KCNIP4: variants seen among roughly 807,000 people sequenced by gnomAD.
The protein encoded by KCNIP4 is potassium voltage-gated channel interacting protein 4.
In KCNIP4, 12 loss-of-function variants were observed where a neutral mutation model predicts 34.0. The ratio of observed to expected loss-of-function variants is 0.35; its 90% confidence interval spans 0.23 to 0.57. The LOEUF is 0.57. Among genes scored for constraint, KCNIP4 ranks in the 20% least tolerant of loss-of-function variants. The probability of loss-of-function intolerance (pLI) is 0.83; values close to 1 mark genes in which losing one functional copy is unlikely to be tolerated. For missense variants in KCNIP4, 238 were observed against 311.7 expected (o/e 0.76, Z 1.78); for synonymous variants, 124 against 102.2 (o/e 1.21, Z -1.29).
chr4:21,156,115 A>C (rs145666535), intron 1 of KCNIP4, among the ~76,000 whole-genome samples: 5 of 152,322 alleles, frequency 3.3e-5, no homozygotes, highest in African/African-American at 1.2e-4. Flanking sequence ...CACAATTTTT[A>C]AGAGCATGGT....
Position 21,277,889 on chromosome 4 carries a change from T to C in KCNIP4, c.62-395180A>G, listed in dbSNP as rs1478053372. Among the ~76,000 whole-genome samples the C allele has an allele frequency of 2.6e-5, 4 of 152,156 alleles. No homozygotes were observed. In the East Asian group the frequency reaches 5.8e-4, roughly 22 times the overall value. On this transcript the variant is annotated intron_variant, in intron 1 of 8. Transcript: ENST00000382152. ...GAATTTTACAGCACCTGGATAAAGA[T>C]AAAATGCTAAACAGCTTCCAGACAG...
rs188326191 is a variant in KCNIP4, at chr4:21,447,508, C to T, written c.61+501063G>A. ...AGGAAACTAATACAGTAGTGACTTGCTCATCTGCAGGGGATACATTCCAAG... is the reference window on the plus strand; with the variant it reads ...AGGAAACTAATACAGTAGTGACTTGTTCATCTGCAGGGGATACATTCCAAG... On this transcript the variant is annotated intron_variant, in intron 1 of 8. Transcript: ENST00000382152. 3.0e-3 allele frequency among the ~76,000 whole-genome samples: 456 copies of T among 152,276 alleles called. 1 individual carries two copies. The highest frequency in any genetic ancestry group is 4.6e-3 in the Non-Finnish European group (311 of 68,030).
At chr4:20,759,294 C>T (rs947335363) in intron 3 of KCNIP4, among the ~76,000 whole-genome samples, 82 of 152,094 alleles carry the variant, frequency 5.4e-4, no homozygotes, top group African/African-American at 1.9e-3. Flanking sequence ...ACATAATCTT[C>T]GATTCAATGG....
At chr4:21,720,608 T>A (rs1358143370) in intron 1 of KCNIP4, among the ~76,000 whole-genome samples, 1 of 151,296 alleles carries the variant, frequency 6.6e-6, no homozygotes, top group African/African-American at 2.4e-5. Context: ...TGTATACATG[T>A]GCCATGTTGG....
chr4:21,126,824 A>T (rs1028959888), intron 1 of KCNIP4, among the ~76,000 whole-genome samples: 2 of 152,162 alleles, frequency 1.3e-5, no homozygotes, highest in African/African-American at 4.8e-5. Flanking sequence ...TCTACAGAGA[A>T]ATGCTGAACA....
chr4:20,738,509 G>A (rs1750244848), intron 5 of KCNIP4, among the ~76,000 whole-genome samples: 1 of 152,152 alleles, frequency 6.6e-6, no homozygotes, highest in Admixed American at 6.5e-5. Context: ...TGCTTCCAGG[G>A]ATCACACTTT....
intron 2 of KCNIP4, among the ~76,000 whole-genome samples, chr4:20,876,808 G>A (rs1000721124): frequency 2.0e-5 from 3 of 152,050 alleles, no homozygotes; most frequent in African/African-American, 7.2e-5. Flanking sequence ...TCTTAACCTC[G>A]TGATCCACCC....
intron 1 of KCNIP4, among the ~76,000 whole-genome samples, chr4:21,053,948 C>T (rs1743160091): frequency 6.6e-6 from 1 of 152,014 alleles, no homozygotes; most frequent in South Asian, 2.1e-4. Context: ...ATTTGATCTA[C>T]AGATTTAATA....
At chr4:21,346,709 A>G (rs973347961) in intron 1 of KCNIP4, among the ~76,000 whole-genome samples, 2 of 152,116 alleles carry the variant, frequency 1.3e-5, no homozygotes, top group African/African-American at 4.8e-5. Context: ...TTGTTAAAAC[A>G]TGGATTCTGA....
chr4:20,810,614 T>G (rs746398154), intron 3 of KCNIP4, among the ~76,000 whole-genome samples: 2 of 152,138 alleles, frequency 1.3e-5, no homozygotes, highest in Non-Finnish European at 2.9e-5. Flanking sequence ...TCCATGTGAA[T>G]GTAGATATTA....
chr4:21,634,252 T>C (rs1361370579), intron 1 of KCNIP4, among the ~76,000 whole-genome samples: 2 of 135,420 alleles, frequency 1.5e-5, no homozygotes, highest in African/African-American at 5.4e-5. Flanking sequence ...AAAAAACACA[T>C]ACATACATAC....
chr4:21,564,511 C>T (rs946447083), intron 1 of KCNIP4, among the ~76,000 whole-genome samples: 3 of 152,110 alleles, frequency 2.0e-5, no homozygotes, highest in African/African-American at 4.8e-5. Flanking sequence ...CAGTCTTCTG[C>T]TCATTGTCAC....
At chr4:21,286,126 C>T (rs758091187) in intron 1 of KCNIP4, among the ~76,000 whole-genome samples, 16 of 152,264 alleles carry the variant, frequency 1.1e-4, no homozygotes, top group South Asian at 4.1e-4. Context: ...TCTTGGTTAC[C>T]GCTTTTTTTC....
In KCNIP4 at chr4:21,555,625, GA is replaced by G. The variant is rs200499702; in HGVS notation, c.61+392945del. 4.5e-3 allele frequency among the ~76,000 whole-genome samples: 677 copies of G among 151,764 alleles called. 4 individuals are homozygous for G. Among genetic ancestry groups the G allele is most frequent in the Middle Eastern group, 0.014 (4 of 294 alleles). On this transcript the variant is annotated intron_variant, in intron 1 of 8. Coordinates refer to ENST00000382152, the MANE Select transcript of KCNIP4 (RefSeq NM_025221.6). The stretch of plus-strand genomic sequence containing the variant: ...TGGTTGCATCTTTGGATATGAAATA[GA>G]AAAAAAATACCTGAATCATTTTCAA...
intron 1 of KCNIP4, among the ~76,000 whole-genome samples, chr4:21,299,455 T>C (rs934353059): frequency 6.6e-6 from 1 of 152,138 alleles, no homozygotes; most frequent in Non-Finnish European, 1.5e-5. Context: ...CTAAAGGCGG[T>C]ATATGTATTC....
chr4:21,354,017 T>G (rs552675061), intron 1 of KCNIP4, among the ~76,000 whole-genome samples: 2 of 152,288 alleles, frequency 1.3e-5, no homozygotes, highest in Admixed American at 6.5e-5. Flanking sequence ...GAAAACAATT[T>G]TCAACCCAGA....
At chr4:20,983,934 C>G in intron 1 of KCNIP4, 1 of 1,536,032 alleles carries the variant, frequency 6.5e-7, no homozygotes, top group Non-Finnish European at 8.7e-7. Context: ...ATCCTCTGAG[C>G]TGGCAGAGCA....
intron 1 of KCNIP4, among the ~76,000 whole-genome samples, chr4:21,618,630 C>CTTTTTT (rs58967707): frequency 6.4e-3 from 520 of 81,724 alleles, no homozygotes; most frequent in African/African-American, 7.7e-3. Context: ...TTTTCTTTTT[C>CTTTTTT]TTTTTTTTTT....
chr4:20,897,544 C>T (rs1482995858), intron 1 of KCNIP4, among the ~76,000 whole-genome samples: 1 of 151,972 alleles, frequency 6.6e-6, no homozygotes, highest in Non-Finnish European at 1.5e-5. Context: ...AGTGAAGTTC[C>T]AACTCCCAGT....
Sources: gnomAD v4.1 joint callset for allele counts (sites outside exome capture counted in the v4.1 genomes callset) on GRCh38, gnomAD v4.1.1 for gene constraint, MANE v1.5 for transcripts, NCBI Gene and HGNC (gene_info 2026-07-23, HGNC 2026-07-21) for gene names.